DLGAP4: variants seen among roughly 807,000 people sequenced by gnomAD.
DLGAP4 encodes the protein DLG associated protein 4, also known as disks large-associated protein 4.
Under a neutral mutation model 86.9 loss-of-function variants are expected in DLGAP4, and 18 were observed. The ratio of observed to expected loss-of-function variants is 0.21; its 90% confidence interval spans 0.14 to 0.31. DLGAP4 has a LOEUF of 0.31. Ranked by LOEUF, DLGAP4 falls within the 10% of genes least tolerant of loss-of-function variation. The pLI is 1.00. For missense variants in DLGAP4, 1,085 were observed against 1,362.6 expected (o/e 0.80, Z 3.21); for synonymous variants, 548 against 574.3 (o/e 0.95, Z 0.65).
At chr20:36,328,531 T>C (rs1194780207) in intron 1 of DLGAP4, among the ~76,000 whole-genome samples, 1 of 152,088 alleles carries the variant, frequency 6.6e-6, no homozygotes, top group African/African-American at 2.4e-5. Flanking sequence ...GAAATTGATC[T>C]TCCCAGACTC....
chr20:36,488,478 C>T (rs999231909), intron 7 of DLGAP4, among the ~76,000 whole-genome samples: 10 of 152,182 alleles, frequency 6.6e-5, no homozygotes, highest in South Asian at 4.1e-4. Flanking sequence ...TAAACCATTG[C>T]TCTTCTGGGC....
intron 1 of DLGAP4, among the ~76,000 whole-genome samples, chr20:36,354,954 C>A (rs2030277069): frequency 1.3e-5 from 2 of 152,014 alleles, no homozygotes; most frequent in Non-Finnish European, 2.9e-5. Flanking sequence ...GAAAACAAAA[C>A]AAAACAGATA....
intron 2 of DLGAP4, among the ~76,000 whole-genome samples, chr20:36,408,610 G>A (rs548316226): frequency 4.2e-4 from 64 of 152,366 alleles, no homozygotes; most frequent in African/African-American, 1.5e-3. Flanking sequence ...AACCCTCAGA[G>A]TAAGAAGCCC....
chr20:36,442,699 C>T, intron 5 of DLGAP4, 28 bp from the exon 6 acceptor site: 1 of 1,613,978 alleles, frequency 6.2e-7, no homozygotes, highest in Non-Finnish European at 8.5e-7. Flanking sequence ...CTGGTCCTTC[C>T]ATAACCCTCA....
At chr20:36,400,067 C>T (rs531669336) in intron 2 of DLGAP4, among the ~76,000 whole-genome samples, 1 of 152,262 alleles carries the variant, frequency 6.6e-6, no homozygotes, top group East Asian at 1.9e-4. Context: ...GAAACTGAAA[C>T]AAACAAACAA....
chr20:36,353,548 G>A (rs1195572496), intron 1 of DLGAP4, among the ~76,000 whole-genome samples: 1 of 152,192 alleles, frequency 6.6e-6, no homozygotes, highest in African/African-American at 2.4e-5. Context: ...AGCATTTCTT[G>A]TAAGCACCTG....
intron 7 of DLGAP4, among the ~76,000 whole-genome samples, chr20:36,447,776 G>A (rs575265150): frequency 2.0e-4 from 31 of 151,812 alleles, no homozygotes; most frequent in African/African-American, 7.5e-4. Flanking sequence ...AGAGAAAAAA[G>A]GGGACCCTGT....
chr20:36,516,805 G>A (rs2037065068), intron 10 of DLGAP4, among the ~76,000 whole-genome samples: 1 of 151,788 alleles, frequency 6.6e-6, no homozygotes, highest in African/African-American at 2.4e-5. Flanking sequence ...AAAGTTCTGT[G>A]TATGGCTGGG....
chr20:36,330,580 A>C (rs2065257570), intron 1 of DLGAP4, among the ~76,000 whole-genome samples: 1 of 134,420 alleles, frequency 7.4e-6, no homozygotes, highest in African/African-American at 2.9e-5. Flanking sequence ...TTTTTTTGAG[A>C]TGGAGGAAAG....
At chr20:36,373,181 C>T (rs2031011693) in intron 2 of DLGAP4, among the ~76,000 whole-genome samples, 1 of 152,006 alleles carries the variant, frequency 6.6e-6, no homozygotes, top group South Asian at 2.1e-4. Flanking sequence ...ATGGAAAACC[C>T]ACCCCAAACT....
chr20:36,496,689 T>G lies in DLGAP4; in HGVS notation c.1649-16T>G. The G allele has an allele frequency of 6.3e-7, 1 of 1,590,728 alleles. No homozygotes were observed. Among genetic ancestry groups the G allele is most frequent in the South Asian group, 1.1e-5 (1 of 89,466 alleles). On this transcript the variant is annotated splice_polypyrimidine_tract_variant and intron_variant, in intron 7 of 12. Coordinates refer to ENST00000339266, the MANE Select transcript of DLGAP4 (RefSeq NM_001365621.2). ...CCATCTCACCTCTCCCCTGCCCTTC[T>G]CTCATCCATCTGCAGGTTCATCATG... is the stretch of plus-strand genomic sequence containing the variant.
intron 11 of DLGAP4, 111 bp downstream of exon 11, chr20:36,524,452 G>A (rs77496141): frequency 0.012 from 10,929 of 877,130 alleles, 115 homozygotes; most frequent in Non-Finnish European, 0.016. Context: ...CACACAGCGC[G>A]GCTTCCTCAT....
chr20:36,356,370 G>T (rs1365178347), intron 1 of DLGAP4, among the ~76,000 whole-genome samples: 10 of 152,200 alleles, frequency 6.6e-5, no homozygotes, highest in Non-Finnish European at 1.2e-4. Flanking sequence ...GGAGTGCAAT[G>T]GTGCGATCTT....
At chr20:36,406,922 C>T (rs139856619) in intron 2 of DLGAP4, among the ~76,000 whole-genome samples, 26 of 152,150 alleles carry the variant, frequency 1.7e-4, no homozygotes, top group African/African-American at 5.8e-4. Flanking sequence ...GTTAGGGGCC[C>T]GATGAGGACC....
intron 1 of DLGAP4, among the ~76,000 whole-genome samples, chr20:36,322,571 G>C (rs782572223): frequency 3.9e-5 from 6 of 152,170 alleles, no homozygotes; most frequent in Non-Finnish European, 5.9e-5. Flanking sequence ...AATAAAGTGC[G>C]TAGGACAGCA....
chr20:36,343,051 C>A (rs936341651), intron 1 of DLGAP4, among the ~76,000 whole-genome samples: 1 of 152,046 alleles, frequency 6.6e-6, no homozygotes, highest in African/African-American at 2.4e-5. Context: ...TAGAGAGGAG[C>A]GGGGACTGCT....
At chr20:36,371,993 C>G (rs548168402) in intron 2 of DLGAP4, among the ~76,000 whole-genome samples, 2 of 152,274 alleles carry the variant, frequency 1.3e-5, no homozygotes, top group East Asian at 3.9e-4. Context: ...CTTCTTCTCT[C>G]CTGCTACCCA....
At chr20:36,414,100 T>C (rs2032585653) in intron 2 of DLGAP4, among the ~76,000 whole-genome samples, 1 of 152,172 alleles carries the variant, frequency 6.6e-6, no homozygotes, top group Non-Finnish European at 1.5e-5. Context: ...GTTGGGATAA[T>C]CATCTCCAGT....
intron 2 of DLGAP4, among the ~76,000 whole-genome samples, chr20:36,402,691 T>G (rs1057472642): frequency 6.6e-6 from 1 of 152,166 alleles, no homozygotes; most frequent in African/African-American, 2.4e-5. Context: ...CAAGCTGTAG[T>G]GGCTATGATC....
Sources: gnomAD v4.1 joint callset for allele counts (sites outside exome capture counted in the v4.1 genomes callset) on GRCh38, gnomAD v4.1.1 for gene constraint, MANE v1.5 for transcripts, NCBI Gene and HGNC (gene_info 2026-07-23, HGNC 2026-07-21) for gene names.